Variants in USP53 observed in about 807,000 individuals in gnomAD.
USP53 encodes ubiquitin carboxyl-terminal hydrolase 53.
In USP53, 71 loss-of-function variants were observed where a neutral mutation model predicts 94.9. The observed-to-expected ratio is 0.75, with a 90% CI of 0.62 to 0.91. The LOEUF is 0.91. Ranked by LOEUF, USP53 falls within the 40% of genes least tolerant of loss-of-function variation. The pLI is 0.00. For missense variants in USP53, 1,173 were observed against 1,281.0 expected (o/e 0.92, Z 1.29); for synonymous variants, 375 against 422.7 (o/e 0.89, Z 1.39).
chr4:119,256,595 T>G, intron 9 of USP53, 72 bp downstream of exon 9: 1 of 1,479,458 alleles, frequency 6.8e-7, no homozygotes, highest in Admixed American at 1.7e-5. Context: ...ACTTATTTTA[T>G]AAAATCATAG....
At chr4:119,272,112 G>T in intron 16 of USP53, 78 bp downstream of exon 16, 1 of 1,469,930 alleles carries the variant, frequency 6.8e-7, no homozygotes, top group Non-Finnish European at 9.1e-7. Context: ...TTTGAAGTTT[G>T]GGGTCAATTA....
At chr4:119,290,224 T>C (rs1324631319) in intron 17 of USP53, among the ~76,000 whole-genome samples, 2 of 152,148 alleles carry the variant, frequency 1.3e-5, no homozygotes, top group Non-Finnish European at 2.9e-5. Context: ...AAATGATTAA[T>C]TTGGTATCTG....
chr4:119,215,161 T>C (rs977282985), intron 2 of USP53, among the ~76,000 whole-genome samples: 12 of 152,192 alleles, frequency 7.9e-5, no homozygotes, highest in Admixed American at 6.5e-4. Flanking sequence ...ACTCTGCTCA[T>C]GAGCTCTTGT....
chr4:119,216,241 CGTG>C (rs1468795814), intron 2 of USP53, among the ~76,000 whole-genome samples: 1 of 151,912 alleles, frequency 6.6e-6, no homozygotes, highest in Non-Finnish European at 1.5e-5. Context: ...ATTAGCCAGG[CGTG>C]GTGGTGCACA....
At chr4:119,254,666 C>T (rs1749514016) in intron 7 of USP53, among the ~76,000 whole-genome samples, 1 of 152,128 alleles carries the variant, frequency 6.6e-6, no homozygotes, top group South Asian at 2.1e-4. Flanking sequence ...TGGGTTAGAA[C>T]ATGCTCCTTT....
In USP53 at chr4:119,271,796, A is replaced by G; in HGVS notation, c.1936A>G (p.Met646Val). 6.2e-7 allele frequency: 1 copy of G among 1,612,602 alleles called. No homozygotes were observed. Among genetic ancestry groups the G allele is most frequent in the Non-Finnish European group, 8.5e-7 (1 of 1,179,694 alleles). Residue 646 changes from methionine to valine, a missense_variant, in exon 16 of 19, where the codon ATG becomes GTG. Transcript: ENST00000692078. ...TTTAATGACCATATATGAAGATGAA[A>G]TGAAGCAGGAAATAGGAAGCAGAAG... ...KGLMTIYEDE[M>V]KQEIGSRSSL...
At chr4:119,245,991 A>G (rs1458411218) in intron 6 of USP53, among the ~76,000 whole-genome samples, 2 of 152,174 alleles carry the variant, frequency 1.3e-5, no homozygotes, top group African/African-American at 2.4e-5. Context: ...AGACAAAGAA[A>G]CAGCAACTGC....
chr4:119,225,080 G>T (rs1486059799), intron 3 of USP53, among the ~76,000 whole-genome samples: 8 of 152,026 alleles, frequency 5.3e-5, no homozygotes, highest in Non-Finnish European at 1.0e-4. Context: ...TAAAAGAGAA[G>T]ATACAAATTA....
intron 2 of USP53, among the ~76,000 whole-genome samples, chr4:119,214,817 G>T (rs1743491426): frequency 6.6e-6 from 1 of 152,152 alleles, no homozygotes; most frequent in African/African-American, 2.4e-5. Context: ...AAGGTTATAT[G>T]TAGCTTTAAA....
At chr4:119,260,392 G>C in intron 10 of USP53, 115 bp from the exon 11 acceptor site, 1 of 773,946 alleles carries the variant, frequency 1.3e-6, no homozygotes, top group African/African-American at 1.8e-5. Flanking sequence ...TCAATTTTTA[G>C]TATACTGAAT....
chr4:119,240,258 A>G (rs534023506), intron 5 of USP53, among the ~76,000 whole-genome samples: 8 of 152,260 alleles, frequency 5.3e-5, no homozygotes, highest in African/African-American at 1.7e-4. Flanking sequence ...AGATAGAATA[A>G]AAAGACATAA....
intron 17 of USP53, among the ~76,000 whole-genome samples, chr4:119,286,784 T>C (rs1754160946): frequency 6.6e-6 from 1 of 152,078 alleles, no homozygotes. Flanking sequence ...CTGTGAACAT[T>C]GACAAATTAT....
At chr4:119,234,956 C>T (rs1049740775) in intron 3 of USP53, among the ~76,000 whole-genome samples, 45 of 152,160 alleles carry the variant, frequency 3.0e-4, no homozygotes, top group African/African-American at 8.7e-4. Flanking sequence ...TGGATATGGA[C>T]GGCTGACTGT....
chr4:119,261,942 A>T (rs1410169637), intron 12 of USP53, 78 bp downstream of exon 12: 1 of 1,125,656 alleles, frequency 8.9e-7, no homozygotes, highest in Non-Finnish European at 1.2e-6. Flanking sequence ...TGATATTAAT[A>T]TTCAAAAGGA....
At chr4:119,256,608 T>C in intron 9 of USP53, 85 bp downstream of exon 9, 2 of 1,355,908 alleles carry the variant, frequency 1.5e-6, no homozygotes, top group Admixed American at 3.5e-5. Context: ...AATCATAGCA[T>C]ACATGAATTT....
intron 5 of USP53, among the ~76,000 whole-genome samples, chr4:119,243,876 T>C (rs1039654263): frequency 2.0e-5 from 3 of 152,196 alleles, no homozygotes; most frequent in Non-Finnish European, 4.4e-5. Flanking sequence ...ATTTAATAGC[T>C]CACATTTATT....
In USP53 at chr4:119,271,715, T is replaced by G. The variant is rs948379406; in HGVS notation, c.1855T>G (p.Ser619Ala). 1.9e-6 allele frequency: 3 copies of G among 1,613,872 alleles called. No homozygotes were observed. Among genetic ancestry groups the G allele is most frequent in the Non-Finnish European group, 2.5e-6 (3 of 1,180,016 alleles). Residue 619 changes from serine (S) to alanine (A), a missense_variant, in exon 16 of 19, where the codon TCT becomes GCT. Ser to Ala is a moderately conservative substitution (Grantham distance 99). Coordinates refer to ENST00000692078, the MANE Select transcript of USP53 (RefSeq NM_001371395.1). ...HKPNISNKPK[S>A]SKDPSFSNWP... ...ACCAAATATCAGTAATAAGCCTAAA[T>G]CTAGCAAGGATCCGAGTTTTAGTAA...
intron 7 of USP53, among the ~76,000 whole-genome samples, 189 bp downstream of exon 7, chr4:119,249,071 G>A (rs1238460405): frequency 6.6e-6 from 1 of 151,972 alleles, no homozygotes; most frequent in Non-Finnish European, 1.5e-5. Context: ...TTGTACTTTT[G>A]GTTTTGATTA....
At chr4:119,232,785 G>A (rs1313166748) in intron 3 of USP53, among the ~76,000 whole-genome samples, 7 of 152,024 alleles carry the variant, frequency 4.6e-5, no homozygotes, top group Non-Finnish European at 1.0e-4. Context: ...ATTTGTATGA[G>A]GTTTATCATG....
Sources: allele counts gnomAD v4.1 joint callset (sites outside exome capture counted in the v4.1 genomes callset), GRCh38; gene constraint gnomAD v4.1.1; transcripts MANE v1.5; gene names NCBI Gene and HGNC (gene_info 2026-07-23, HGNC 2026-07-21).